The following SAXO4 variants were observed in gnomAD, a reference collection of about 807,000 sequenced individuals.
SAXO4 encodes stabilizer of axonemal microtubules 4.
chr11:61,490,245 G>A, the SAXO4 span, among the ~76,000 whole-genome samples: 1 of 152,158 alleles, frequency 6.6e-6, no homozygotes, highest in Non-Finnish European at 1.5e-5. Flanking sequence ...TCCAGAGGGG[G>A]ATGCGGGGAC....
the SAXO4 span, among the ~76,000 whole-genome samples, chr11:61,487,741 C>T: frequency 1.3e-5 from 2 of 152,178 alleles, no homozygotes; most frequent in Admixed American, 6.5e-5. Context: ...CAGGGCAGTG[C>T]GAGGGAGTCT....
chr11:61,487,149 C>G, the SAXO4 span: 1 of 1,613,896 alleles, frequency 6.2e-7, no homozygotes, highest in African/African-American at 1.3e-5. Flanking sequence ...TGTGCAGGAG[C>G]CCACAGGGTT....
At chr11:61,485,248 C>T in the SAXO4 span, 1 of 1,168,910 alleles carries the variant, frequency 8.6e-7, no homozygotes, top group Non-Finnish European at 1.3e-6. Context: ...CCTCAGAGCA[C>T]AGAGAACCGA....
At chr11:61,486,833 C>A in the SAXO4 span, 1 of 952,646 alleles carries the variant, frequency 1.0e-6, no homozygotes, top group Non-Finnish European at 1.7e-6. Context: ...AAGGGAGGGT[C>A]GCTGGGGCTG....
the SAXO4 span, chr11:61,489,291 C>T: frequency 2.0e-5 from 4 of 196,080 alleles, no homozygotes; most frequent in Non-Finnish European, 4.1e-5. Context: ...CTGTCAGGCA[C>T]GCTTGCTGGT....
chr11:61,489,362 G>A, the SAXO4 span: 1 of 395,496 alleles, frequency 2.5e-6, no homozygotes. Flanking sequence ...TGATCTGTCT[G>A]CACCCCCTCT....
At chr11:61,485,525 C>CA in the SAXO4 span, 1 of 914,610 alleles carries the variant, frequency 1.1e-6, no homozygotes, top group Non-Finnish European at 1.7e-6. Flanking sequence ...GAAGGATGCA[C>CA]AGGTGGCTGG....
At chr11:61,490,889 C>T in the SAXO4 span, 1 of 427,230 alleles carries the variant, frequency 2.3e-6, no homozygotes, top group Non-Finnish European at 4.3e-6. Flanking sequence ...ACACCCCTGC[C>T]CAGCTACTTT....
At chr11:61,485,250 G>C in the SAXO4 span, 1 of 1,190,484 alleles carries the variant, frequency 8.4e-7, no homozygotes, top group Non-Finnish European at 1.2e-6. Flanking sequence ...TCAGAGCACA[G>C]AGAACCGAGG....
chr11:61,485,341 C>T, the SAXO4 span: 1 of 1,613,978 alleles, frequency 6.2e-7, no homozygotes, highest in Non-Finnish European at 8.5e-7. Context: ...GTTCCAGGGC[C>T]CACGCTTCAT....
At chr11:61,482,678 A>G in the SAXO4 span, 1 of 1,614,074 alleles carries the variant, frequency 6.2e-7, no homozygotes, top group Non-Finnish European at 8.5e-7. Context: ...GACCATTTCC[A>G]GTCTGTGGCC....
the SAXO4 span, among the ~76,000 whole-genome samples, chr11:61,488,465 C>A: frequency 6.6e-6 from 1 of 152,042 alleles, no homozygotes; most frequent in African/African-American, 2.4e-5. Context: ...CCACCACGCC[C>A]GGCTACATTT....
the SAXO4 span, chr11:61,486,729 G>A: frequency 1.9e-6 from 2 of 1,057,802 alleles, no homozygotes; most frequent in Middle Eastern, 2.0e-4. Flanking sequence ...GGGATGTGGA[G>A]GTAGGCCCTC....
At chr11:61,482,709 G>A in the SAXO4 span, 4 of 1,614,102 alleles carry the variant, frequency 2.5e-6, no homozygotes, top group Non-Finnish European at 3.4e-6. Context: ...ACCGCCCCCT[G>A]GAGGTGCCTG....
the SAXO4 span, chr11:61,489,698 C>G: frequency 5.5e-6 from 8 of 1,448,938 alleles, no homozygotes; most frequent in African/African-American, 1.1e-4. Context: ...GCTGGGCGAT[C>G]TGAGGGTCGA....
chr11:61,487,364 G>T, the SAXO4 span: 1 of 833,346 alleles, frequency 1.2e-6, no homozygotes, highest in East Asian at 2.5e-5. Flanking sequence ...TTCCCCAGAA[G>T]CATACCCTAA....
chr11:61,484,596 C>A, the SAXO4 span: 1 of 1,520,224 alleles, frequency 6.6e-7, no homozygotes. Flanking sequence ...GGCTGCTCTG[C>A]AGATACTGCG....
the SAXO4 span, chr11:61,481,765 C>T: frequency 8.5e-7 from 1 of 1,171,392 alleles, no homozygotes; most frequent in South Asian, 1.7e-5. Context: ...ATGAGGCTCC[C>T]CGTGCTTCCT....
the SAXO4 span, chr11:61,486,514 C>T: frequency 1.2e-6 from 2 of 1,613,848 alleles, no homozygotes; most frequent in Non-Finnish European, 1.7e-6. Flanking sequence ...GGCTGCTTTG[C>T]TCCCTCCAGG....
Sources: allele counts gnomAD v4.1 joint callset (sites outside exome capture counted in the v4.1 genomes callset), GRCh38; gene constraint gnomAD v4.1.1; transcripts MANE v1.5; gene names NCBI Gene and HGNC (gene_info 2026-07-23, HGNC 2026-07-21).